Variants in BCAM observed in about 807,000 individuals in gnomAD.
The protein encoded by BCAM is basal cell adhesion molecule.
Under a neutral mutation model 72.4 loss-of-function variants are expected in BCAM, and 61 were observed. That is an observed-to-expected ratio of 0.84 (90% CI 0.69 to 1.04). The LOEUF (loss-of-function observed/expected upper bound fraction) is 1.04. Among genes scored for constraint, BCAM ranks in the 50% least tolerant of loss-of-function variants. The pLI is 0.00. For missense variants in BCAM, 909 were observed against 895.0 expected (o/e 1.02, Z -0.20); for synonymous variants, 408 against 384.2 (o/e 1.06, Z -0.73).
At chr19:44,820,622 C>G in intron 13 of BCAM, 83 bp from the exon 14 acceptor site, 1 of 1,236,296 alleles carries the variant, frequency 8.1e-7, no homozygotes, top group Non-Finnish European at 1.0e-6. Flanking sequence ...GCATCCTAGT[C>G]CCACCCACCC....
At position 44,812,205 on chromosome 19, in the gene BCAM, A is replaced by G; in HGVS notation, c.247A>G (p.Met83Val). 1 of 1,605,958 alleles carries G rather than the reference A, an allele frequency of 6.2e-7. No individual in the cohort carries two copies. The highest frequency in any genetic ancestry group is 8.5e-7 in the Non-Finnish European group (1 of 1,178,048). Residue 83 changes from methionine (M) to valine (V), a missense_variant, in exon 3 of 15, where the codon ATG (methionine) becomes GTG (valine). By Grantham distance (21) the Met-to-Val change is conservative (BLOSUM62 1). Transcript: ENST00000270233. The surrounding 1 kb of genome is among the most constrained non-coding windows in gnomAD (Gnocchi z 5.3). ...TCGCCCCCGCCTAGCCTCGGCTGAGATGCAGGGCTCTGAGCTCCAGGTCAC... is the reference window on the plus strand; with the variant it reads ...TCGCCCCCGCCTAGCCTCGGCTGAGGTGCAGGGCTCTGAGCTCCAGGTCAC... ...GARPRLASAE[M>V]QGSELQVTMH...
chr19:44,820,962 CA>C lies in BCAM; in HGVS notation c.*42del. ...GAGGCTGTCCCTGGACCTGGAGCTG[CA>C]GGCATCAGAGAACCAGCCCTGCTCA... On this transcript the variant is annotated 3_prime_UTR_variant, in exon 15 of 15. Coordinates refer to ENST00000270233, the MANE Select transcript of BCAM (RefSeq NM_005581.5). The C allele has an allele frequency of 6.5e-7, 1 of 1,536,720 alleles. No individual in the cohort carries two copies. Among genetic ancestry groups the C allele is most frequent in the Non-Finnish European group, 8.8e-7 (1 of 1,141,846 alleles).
Position 44,811,273 on chromosome 19 carries a change from T to C in BCAM, c.131T>C (p.Met44Thr), listed in dbSNP as rs1380898932. The change falls in exon 2 of 15, where the codon ATG (methionine) becomes ACG (threonine). Residue 44 changes from methionine to threonine, a missense_variant. Met to Thr is a moderately conservative substitution (Grantham distance 81, BLOSUM62 -1). Coordinates refer to ENST00000270233, the MANE Select transcript of BCAM (RefSeq NM_005581.5). Reference sequence around the variant, plus strand: ...TCTGTACCCCCGCTGGTGGAGGTGATGCGAGGAAAGTCTGTCATTCTGGAC... The same window carrying C: ...TCTGTACCCCCGCTGGTGGAGGTGACGCGAGGAAAGTCTGTCATTCTGGAC... The part of the protein sequence containing the change: ...RLSVPPLVEV[M>T]RGKSVILDCT... 6.2e-7 allele frequency: 1 copy of C among 1,613,122 alleles called. No homozygotes were observed. The highest frequency in any genetic ancestry group is 8.5e-7 in the Non-Finnish European group (1 of 1,179,888).
At chr19:44,815,648 T>A (rs1179861737) in intron 8 of BCAM, among the ~76,000 whole-genome samples, 1 of 152,128 alleles carries the variant, frequency 6.6e-6, no homozygotes, top group Non-Finnish European at 1.5e-5. Flanking sequence ...GTTCCGCACC[T>A]CTTGGGTCTA....
rs773808695 is a variant in BCAM, at chr19:44,813,828, C to T, written c.784+208C>T. Among the ~76,000 whole-genome samples, 10 of 152,200 alleles carry T rather than the reference C, an allele frequency of 6.6e-5. No individual in the cohort carries two copies. Among genetic ancestry groups the T allele is most frequent in the Non-Finnish European group, 1.3e-4 (9 of 68,044 alleles). ...CCTCTGACCTCCGACCTCCACTTAG[C>T]ACCCTGGACCCCATGAAGTTTATGA... On this transcript the variant is annotated intron_variant, in intron 6 of 14. Coordinates refer to ENST00000270233, the MANE Select transcript of BCAM (RefSeq NM_005581.5). The surrounding 1 kb of genome is among the most constrained non-coding windows in gnomAD (Gnocchi z 4.2).
At chr19:44,816,070 C>G (rs531957267) in intron 8 of BCAM, among the ~76,000 whole-genome samples, 1 of 152,062 alleles carries the variant, frequency 6.6e-6, no homozygotes, top group African/African-American at 2.4e-5. Context: ...GTAATCCCAA[C>G]ACTTTGGGAG....
chr19:44,810,703 G>A (rs1968406475), intron 1 of BCAM, among the ~76,000 whole-genome samples: 1 of 152,246 alleles, frequency 6.6e-6, no homozygotes, highest in Admixed American at 6.5e-5. Context: ...AGCCAGGCCT[G>A]GCCCTGCCCT....
rs28399627 is a variant in BCAM at position 44,818,648 on chromosome 19, G to A, written c.1194+11G>A. The A allele has an allele frequency of 0.024, 38,080 of 1,612,898 alleles. 730 individuals carry two copies. The highest frequency in any genetic ancestry group is 0.09 in the African/African-American group (6,720 of 74,964). ...CTACGCTGGACCAAGGTGAGAGGGA[G>A]AGGAGCCCCCTCGGGCCCTGCACTC... On this transcript the variant is annotated intron_variant, in intron 9 of 14. Transcript: ENST00000270233. The surrounding 1 kb of genome is among the most constrained non-coding windows in gnomAD (Gnocchi z 4.6).
rs148153043 is a variant in BCAM, at chr19:44,814,753, C to T, written c.1071C>T (p.Arg357=). The T allele has an allele frequency of 2.2e-5, 35 of 1,610,618 alleles. No homozygotes were observed. The highest frequency in any genetic ancestry group is 2.5e-5 in the Non-Finnish European group (29 of 1,178,744). Reference sequence around the variant, plus strand: ...AGCTCTCCAAGACGCTGGAGCTGCGCGTGGCCTGTGAGAGCCCTGGGTGAA... The same window carrying T: ...AGCTCTCCAAGACGCTGGAGCTGCGTGTGGCCTGTGAGAGCCCTGGGTGAA... ...DVQLSKTLEL[R]VAYLDPLELS... Residue 357 remains arginine, a synonymous_variant, in exon 8 of 15, where the codon CGC becomes CGT. Transcript: ENST00000270233. This position sits in a 1 kb window ranked among gnomAD's most constrained non-coding sequence, Gnocchi z 4.6.
rs1365516254 is a variant in BCAM, at chr19:44,813,816, A to C, written c.784+196A>C. Reference sequence around the variant, plus strand: ...GCCCCATCCTGACCTCTGACCTCCGACCTCCACTTAGCACCCTGGACCCCA... The same window carrying C: ...GCCCCATCCTGACCTCTGACCTCCGCCCTCCACTTAGCACCCTGGACCCCA... On this transcript the variant is annotated intron_variant, in intron 6 of 14. Transcript: ENST00000270233. The surrounding 1 kb of genome is among the most constrained non-coding windows in gnomAD (Gnocchi z 4.2). The C allele has an allele frequency of 1.2e-6, 1 of 811,946 alleles. No homozygotes were observed. The allele number at this position is 811,946 out of a possible 1,614,324, so 50.3% of individuals were successfully genotyped here. A position where few individuals can be genotyped will look rare whatever the true frequency, so the allele number is the denominator to read the frequency against.
intron 11 of BCAM, 74 bp downstream of exon 11, chr19:44,819,266 G>A: frequency 6.2e-7 from 1 of 1,610,320 alleles, no homozygotes; most frequent in Non-Finnish European, 8.5e-7. Flanking sequence ...CCACTTCCTG[G>A]GAGACTGGAC....
At position 44,819,412 on chromosome 19, in the gene BCAM, G is replaced by T. The variant is rs934382784; in HGVS notation, c.1540G>T (p.Ala514Ser). 6.2e-7 allele frequency: 1 copy of T among 1,613,936 alleles called. No individual in the cohort carries two copies. Among genetic ancestry groups the T allele is most frequent in the African/African-American group, 1.3e-5 (1 of 74,904 alleles). The change falls in exon 12 of 15, where the codon GCC (alanine) becomes TCC (serine). Residue 514 changes from alanine to serine, a missense_variant. Ala to Ser is a moderately conservative substitution (Grantham distance 99). Coordinates refer to ENST00000270233, the MANE Select transcript of BCAM (RefSeq NM_005581.5). ...CTCTCTGACCCTGAAAGTGACCAGC[G>T]CCCTGAGCCGCGATGGCATCTCCTG... is the stretch of plus-strand genomic sequence containing the variant. The part of the protein sequence containing the change: ...SSSLTLKVTS[A>S]LSRDGISCEA...
At chr19:44,811,912 C>A in intron 2 of BCAM, 1 of 548,362 alleles carries the variant, frequency 1.8e-6, no homozygotes, top group Non-Finnish European at 3.2e-6. Context: ...AAATGAGAGA[C>A]AATCGGGAGA....
Position 44,814,822 on chromosome 19 carries a change from C to T in BCAM, c.1078+62C>T. 2 of 1,532,628 alleles carry T rather than the reference C, an allele frequency of 1.3e-6. No homozygotes were observed. The highest frequency in any genetic ancestry group is 1.8e-6 in the Non-Finnish European group (2 of 1,139,014). 94.9% of individuals were successfully genotyped at this position (1,532,628 alleles called of 1,614,324 possible). On this transcript the variant is annotated intron_variant, in intron 8 of 14. Coordinates refer to ENST00000270233, the MANE Select transcript of BCAM (RefSeq NM_005581.5). The surrounding 1 kb of genome is among the most constrained non-coding windows in gnomAD (Gnocchi z 4.6). ...CCTGGCATCAGTGCCTCTGCGCCCT[C>T]CTCCCTACAGCCCTGAAGTTGCTCT... is the stretch of plus-strand genomic sequence containing the variant.
chr19:44,813,832 C>G lies in BCAM; in HGVS notation c.784+212C>G, dbSNP rs28399612. The stretch of plus-strand genomic sequence containing the variant: ...TGACCTCCGACCTCCACTTAGCACC[C>G]TGGACCCCATGAAGTTTATGACTAA... On this transcript the variant is annotated intron_variant, in intron 6 of 14. Transcript: ENST00000270233. The surrounding 1 kb of genome is among the most constrained non-coding windows in gnomAD (Gnocchi z 4.2). Among the ~76,000 whole-genome samples, 7,362 of 152,266 alleles carry G rather than the reference C, an allele frequency of 0.048. 323 individuals are homozygous for G. The highest frequency in any genetic ancestry group is 0.11 in the African/African-American group (4,685 of 41,534).
chr19:44,815,580 G>A (rs1968494295), intron 8 of BCAM, among the ~76,000 whole-genome samples: 1 of 152,194 alleles, frequency 6.6e-6, no homozygotes, highest in African/African-American at 2.4e-5. Flanking sequence ...CTGCTTTCCT[G>A]AGAAGCAGAT....
chr19:44,814,908 G>GT lies in BCAM; in HGVS notation c.1078+167dup, dbSNP rs78735883. ...GCATTTCTTGGGGGTTTTTTTGGTT[G>GT]TTTTTTTTTTTTTTTTTTTCCCAGA... is the stretch of plus-strand genomic sequence containing the variant. On this transcript the variant is annotated intron_variant, in intron 8 of 14. Transcript: ENST00000270233. The surrounding 1 kb of genome is among the most constrained non-coding windows in gnomAD (Gnocchi z 4.6). The GT allele has an allele frequency of 0.16, 81,593 of 511,384 alleles. 37 individuals are homozygous for GT. The highest frequency in any genetic ancestry group is 0.18 in the Non-Finnish European group (62,646 of 352,362). 31.7% of individuals were successfully genotyped at this position (511,384 alleles called of 1,614,324 possible).
Position 44,812,377 on chromosome 19 carries a change from G to C in BCAM, c.419G>C (p.Arg140Pro). ...GCAGGCACTGCTGAGGCCACTGCGC[G>C]GCTCAACGTGTTTGGTAAGTGTCCT... is the stretch of plus-strand genomic sequence containing the variant. ...GAAGTAEATA[R>P]LNVFAKPEAT... Residue 140 changes from arginine (R) to proline (P), a missense_variant, in exon 3 of 15, where the codon CGG becomes CCG. Transcript: ENST00000270233. This position sits in a 1 kb window ranked among gnomAD's most constrained non-coding sequence, Gnocchi z 5.3. 6.2e-7 allele frequency: 1 copy of C among 1,613,996 alleles called. No homozygotes were observed. The highest frequency in any genetic ancestry group is 8.5e-7 in the Non-Finnish European group (1 of 1,179,934).
In BCAM at chr19:44,814,494, G is replaced by T; in HGVS notation, c.922-110G>T. Reference sequence around the variant, plus strand: ...CATGCCACCTGACTTGATGGCCCCTGACCCCTGATTCTGGCTTAGCATGAC... The same window carrying T: ...CATGCCACCTGACTTGATGGCCCCTTACCCCTGATTCTGGCTTAGCATGAC... On this transcript the variant is annotated intron_variant, in intron 7 of 14. Coordinates refer to ENST00000270233, the MANE Select transcript of BCAM (RefSeq NM_005581.5). This position sits in a 1 kb window ranked among gnomAD's most constrained non-coding sequence, Gnocchi z 4.6. The T allele has an allele frequency of 6.8e-7, 1 of 1,470,410 alleles. No homozygotes were observed. 91.1% of individuals were successfully genotyped at this position (1,470,410 alleles called of 1,614,324 possible).
Sources: gnomAD v4.1 joint callset for allele counts (sites outside exome capture counted in the v4.1 genomes callset) on GRCh38, gnomAD v4.1.1 for gene constraint, Gnocchi (gnomAD v3.1) non-coding constraint, MANE v1.5 for transcripts, NCBI Gene and HGNC (gene_info 2026-07-23, HGNC 2026-07-21) for gene names.